CRTAC1: variants seen among roughly 807,000 people sequenced by gnomAD.
CRTAC1 encodes the protein cartilage acidic protein 1.
A neutral mutation model predicts 67.8 loss-of-function variants in CRTAC1; 37 were observed. That is an observed-to-expected ratio of 0.55 (90% confidence interval 0.42 to 0.72). The LOEUF (loss-of-function observed/expected upper bound fraction) is 0.72. Ranked by LOEUF, CRTAC1 falls within the 30% of genes least tolerant of loss-of-function variation. The probability of loss-of-function intolerance (pLI) is 0.00; values close to 1 mark genes in which losing one functional copy is unlikely to be tolerated. For missense variants in CRTAC1, 780 were observed against 931.6 expected, an observed-to-expected ratio of 0.84 and a Z score of 2.12; for synonymous variants, 348 against 371.0, an observed-to-expected ratio of 0.94 and a Z score of 0.71.
rs569213148 is a variant in CRTAC1 at position 97,989,692 on chromosome 10, G to A, written c.224+21446C>T. 7.9e-5 allele frequency among the ~76,000 whole-genome samples: 12 copies of A among 152,212 alleles called. 1 individual carries two copies. The South Asian group carries it at 1.2e-3, about 16-fold the overall frequency. On this transcript the variant is annotated intron_variant, in intron 2 of 14. Coordinates refer to ENST00000370597, the MANE Select transcript of CRTAC1 (RefSeq NM_018058.7). The stretch of plus-strand genomic sequence containing the variant: ...TCTCTTATTGGAGAACTTTAATACC[G>A]CCACTACCATAGTGCTATGAAGTAG...
intron 2 of CRTAC1, among the ~76,000 whole-genome samples, chr10:97,965,168 C>G (rs1005441287): frequency 6.6e-6 from 1 of 152,184 alleles, no homozygotes; most frequent in Non-Finnish European, 1.5e-5. Context: ...ACCACAGGCT[C>G]GTGGAAGGTC....
At chr10:97,872,373 T>A (rs2050103306) in intron 14 of CRTAC1, among the ~76,000 whole-genome samples, 1 of 152,176 alleles carries the variant, frequency 6.6e-6, no homozygotes, top group Non-Finnish European at 1.5e-5. Flanking sequence ...GACCCCAGGC[T>A]ACCCCCTGAG....
chr10:97,931,941 C>T (rs1243535292), intron 3 of CRTAC1, among the ~76,000 whole-genome samples: 2 of 152,172 alleles, frequency 1.3e-5, no homozygotes, highest in Non-Finnish European at 2.9e-5. Flanking sequence ...TGCACACTCT[C>T]CTACCTGGTT....
chr10:97,900,794 C>T (rs528149952), intron 8 of CRTAC1, among the ~76,000 whole-genome samples: 1 of 92,730 alleles, frequency 1.1e-5, no homozygotes, highest in African/African-American at 5.3e-5. Flanking sequence ...AGTGATTGGA[C>T]CCCGTAGCCC....
intron 11 of CRTAC1, among the ~76,000 whole-genome samples, chr10:97,888,530 G>A (rs1392192551): frequency 6.6e-6 from 1 of 151,138 alleles, no homozygotes; most frequent in Non-Finnish European, 1.5e-5. Flanking sequence ...ACACTTACGA[G>A]GTGGGTATTT....
rs1198177330 is a variant in CRTAC1, at chr10:97,901,576, C to G, written c.1060G>C (p.Asp354His). 1 of 1,614,204 alleles carries G rather than the reference C, an allele frequency of 6.2e-7. No homozygotes were observed. Among genetic ancestry groups the G allele is most frequent in the Admixed American group, 1.7e-5 (1 of 60,028 alleles). The change falls in exon 8 of 15, where the codon GAC becomes CAC. Residue 354 changes from aspartate to histidine, a missense_variant. Coordinates refer to ENST00000370597, the MANE Select transcript of CRTAC1 (RefSeq NM_018058.7). ...PVRTVITADF[D>H]NDQELEIFFN... ...AAGATCTCCAGCTCCTGGTCATTGT[C>G]AAAGTCGGCGGTGATGACCGTGCGG...
chr10:97,946,630 G>T (rs1286847150), intron 2 of CRTAC1, among the ~76,000 whole-genome samples: 16 of 152,210 alleles, frequency 1.1e-4, no homozygotes, highest in Admixed American at 1.0e-3. Flanking sequence ...TATGCAGGAA[G>T]AGAAGTGCCA....
chr10:97,902,552 G>T (rs1165009084), intron 7 of CRTAC1, among the ~76,000 whole-genome samples: 1 of 152,208 alleles, frequency 6.6e-6, no homozygotes, highest in African/African-American at 2.4e-5. Context: ...AGGGTCCCAG[G>T]TGTGTTTCTG....
chr10:97,966,990 G>A (rs1335691499), intron 2 of CRTAC1, among the ~76,000 whole-genome samples: 1 of 50,552 alleles, frequency 2.0e-5, no homozygotes, highest in Non-Finnish European at 5.1e-5. Context: ...CCATTGTAAA[G>A]TCACCCCCCC....
chr10:97,908,029 G>A lies in CRTAC1; in HGVS notation c.834C>T (p.Asp278=), dbSNP rs768344164. The change falls in exon 6 of 15, where the codon GAC becomes GAT. Residue 278 remains aspartate, a synonymous_variant. Coordinates refer to ENST00000370597, the MANE Select transcript of CRTAC1 (RefSeq NM_018058.7). The part of the protein sequence containing the change: ...FHNRGDGTFV[D]AAASAGVDDP... ...TCCACTCACCAGCACTGGCCGCAGC[G>A]TCCACAAAGGTGCCATCGCCCCGGT... is the stretch of plus-strand genomic sequence containing the variant. 30 of 1,614,050 alleles carry A rather than the reference G, an allele frequency of 1.9e-5. No homozygotes were observed. Among genetic ancestry groups the A allele is most frequent in the Middle Eastern group, 3.3e-4 (2 of 6,084 alleles).
intron 13 of CRTAC1, among the ~76,000 whole-genome samples, chr10:97,881,051 T>A (rs956459881): frequency 3.3e-5 from 5 of 152,196 alleles, no homozygotes; most frequent in African/African-American, 9.7e-5. Flanking sequence ...CTTGCCTGGA[T>A]TTCTGCAGCT....
At chr10:97,925,131 T>C (rs895450247) in intron 3 of CRTAC1, among the ~76,000 whole-genome samples, 3 of 151,972 alleles carry the variant, frequency 2.0e-5, no homozygotes, top group Non-Finnish European at 4.4e-5. Context: ...ATTAGCCAGG[T>C]GTGGTGGCAC....
intron 14 of CRTAC1, among the ~76,000 whole-genome samples, chr10:97,878,020 C>T (rs1047505828): frequency 6.6e-6 from 1 of 152,218 alleles, no homozygotes; most frequent in Non-Finnish European, 1.5e-5. Flanking sequence ...ATCTCACTAT[C>T]TTAGATCCAC....
chr10:98,017,357 C>G (rs150745732), intron 1 of CRTAC1, among the ~76,000 whole-genome samples: 1 of 152,038 alleles, frequency 6.6e-6, no homozygotes, highest in Non-Finnish European at 1.5e-5. Flanking sequence ...CCAGACAAGG[C>G]GAAGCTAAAT....
rs560134826 is a variant in CRTAC1, at chr10:97,959,040, G to A, written c.225-22674C>T. Among the ~76,000 whole-genome samples the A allele has an allele frequency of 1.4e-4, 21 of 152,244 alleles. No individual in the cohort carries two copies. The East Asian group carries it at 1.7e-3, about 13-fold the overall frequency. On this transcript the variant is annotated intron_variant, in intron 2 of 14. Transcript: ENST00000370597. ...CAGCAGCGACTGTGAAAGAGCTGCC[G>A]GCCATTATGAGACTCTGTGGGACAA... is the stretch of plus-strand genomic sequence containing the variant.
chr10:97,990,527 T>A (rs1038972930), intron 2 of CRTAC1, among the ~76,000 whole-genome samples: 3 of 152,220 alleles, frequency 2.0e-5, no homozygotes, highest in African/African-American at 7.2e-5. Flanking sequence ...CATTTCCTAT[T>A]AGCGTCTTTT....
chr10:97,933,947 G>A (rs2051042380), intron 3 of CRTAC1, among the ~76,000 whole-genome samples: 1 of 152,164 alleles, frequency 6.6e-6, no homozygotes, highest in Non-Finnish European at 1.5e-5. Context: ...AGCTCCCCAG[G>A]TGACCCTAAT....
chr10:97,904,353 C>T (rs771759643), intron 7 of CRTAC1, among the ~76,000 whole-genome samples: 47 of 152,174 alleles, frequency 3.1e-4, no homozygotes, highest in Non-Finnish European at 5.9e-4. Context: ...CATGGCATGC[C>T]GGGGCACCCC....
intron 1 of CRTAC1, among the ~76,000 whole-genome samples, chr10:98,011,878 A>G (rs72826204): frequency 5.9e-5 from 9 of 152,334 alleles, no homozygotes; most frequent in Non-Finnish European, 1.2e-4. Flanking sequence ...TGAAGAACCT[A>G]ACAGCTCTCA....
Sources: allele counts gnomAD v4.1 joint callset (sites outside exome capture counted in the v4.1 genomes callset), GRCh38; gene constraint gnomAD v4.1.1; transcripts MANE v1.5; gene names NCBI Gene and HGNC (gene_info 2026-07-23, HGNC 2026-07-21).